Variants in LONP2 observed in about 807,000 individuals in gnomAD.
The protein encoded by LONP2 is lon peptidase 2, peroxisomal, also known as lon protease homolog 2, peroxisomal.
A neutral mutation model predicts 85.6 loss-of-function variants in LONP2; 60 were observed. That is an observed-to-expected ratio of 0.70 (90% CI 0.57 to 0.87). The LOEUF (loss-of-function observed/expected upper bound fraction) is 0.87, where lower values mean the gene tolerates loss of function less well. Among genes scored for constraint, LONP2 ranks in the 40% least tolerant of loss-of-function variants. The pLI, the probability that LONP2 is intolerant of heterozygous loss-of-function variation, is 0.00. For missense variants in LONP2, 860 were observed against 1,063.5 expected, an observed-to-expected ratio of 0.81 and a Z score of 2.66; for synonymous variants, 395 against 389.7, an observed-to-expected ratio of 1.01 and a Z score of -0.16.
At chr16:48,305,071 GCTTCACCC>G (rs1445020917) in intron 11 of LONP2, among the ~76,000 whole-genome samples, 2 of 152,120 alleles carry the variant, frequency 1.3e-5, no homozygotes, top group African/African-American at 2.4e-5. Flanking sequence ...CCAGTACAGT[GCTTCACCC>G]CTGCCTCCCC....
Position 48,299,662 on chromosome 16 carries a change from G to A in LONP2, c.1535G>A (p.Gly512Asp), listed in dbSNP as rs1425464748. 4 of 1,610,972 alleles carry A rather than the reference G, an allele frequency of 2.5e-6. No homozygotes were observed. The highest frequency in any genetic ancestry group is 3.4e-6 in the Non-Finnish European group (4 of 1,179,054). Residue 512 changes from glycine to aspartate, a missense_variant and splice_region_variant, in exon 10 of 15, where the codon GGT (glycine) becomes GAT (aspartate). Gly to Asp is a moderately conservative substitution (Grantham distance 94, BLOSUM62 -1). Around this residue, in one of 3 missense-constraint regions of LONP2, gnomAD observed 743 missense variants for 917.3 expected, o/e 0.81. Transcript: ENST00000285737. ...LDRMEIIQVPGYTQEEKIEIA... is the reference protein window; with the variant it reads ...LDRMEIIQVPDYTQEEKIEIA... ...CAAAACAAGATCTCTTCTTTTCCAG[G>A]TTATACACAGGAGGAGAAGATAGAG...
chr16:48,330,291 C>T (rs1017167144), intron 11 of LONP2, among the ~76,000 whole-genome samples: 14 of 152,210 alleles, frequency 9.2e-5, no homozygotes, highest in African/African-American at 3.4e-4. Flanking sequence ...CTGCACAATT[C>T]CAGTGGGAAG....
intron 8 of LONP2, among the ~76,000 whole-genome samples, chr16:48,290,523 TG>T (rs570868526): frequency 1.4e-4 from 22 of 152,150 alleles, no homozygotes; most frequent in Non-Finnish European, 2.6e-4. Flanking sequence ...AGTTATAAAT[TG>T]GAGTACCCAC....
In LONP2 at chr16:48,244,317, A is replaced by C; in HGVS notation, c.-72A>C. On this transcript the variant is annotated 5_prime_UTR_variant, in exon 1 of 15. Transcript: ENST00000285737. Reference sequence around the variant, plus strand: ...GTGGAGGCGGGTCTGAGGTTTGGTGACTGCGGGGCAGGCCGGGGGCAGCTG... The same window carrying C: ...GTGGAGGCGGGTCTGAGGTTTGGTGCCTGCGGGGCAGGCCGGGGGCAGCTG... 1 of 1,169,316 alleles carries C rather than the reference A, an allele frequency of 8.6e-7. No individual in the cohort carries two copies. The highest frequency in any genetic ancestry group is 3.1e-5 in the East Asian group (1 of 32,552). 72.4% of individuals were successfully genotyped at this position (1,169,316 alleles called of 1,614,324 possible).
chr16:48,293,631 G>T (rs1002513070), intron 8 of LONP2, among the ~76,000 whole-genome samples: 1 of 152,106 alleles, frequency 6.6e-6, no homozygotes, highest in African/African-American at 2.4e-5. Context: ...GGTTACGGGG[G>T]ATTCTCACTA....
At chr16:48,312,814 G>A (rs557885160) in intron 11 of LONP2, among the ~76,000 whole-genome samples, 3 of 152,352 alleles carry the variant, frequency 2.0e-5, no homozygotes, top group Admixed American at 6.5e-5. Flanking sequence ...AATAGTGGCA[G>A]TAGGGTGATT....
Position 48,362,458 on chromosome 16 carries a change from GA to G in LONP2, c.*600del, listed in dbSNP as rs746969793. 1.9e-6 allele frequency: 3 copies of G among 1,606,706 alleles called. No homozygotes were observed. Among genetic ancestry groups the G allele is most frequent in the South Asian group, 2.2e-5 (2 of 90,290 alleles). On this transcript the variant is annotated 3_prime_UTR_variant, in exon 5 of 5. Transcript: ENST00000565867. The surrounding 1 kb of genome is among the most constrained non-coding windows in gnomAD (Gnocchi z 4.2). Reference sequence around the variant, plus strand: ...GAAATAAATACATAAGGAGGCAGGAGAAAAATAATTATAACCATGACTTACT... The same window carrying G: ...GAAATAAATACATAAGGAGGCAGGAGAAAATAATTATAACCATGACTTACT...
At position 48,347,007 on chromosome 16, in the gene LONP2, G is replaced by A. The variant is rs112382257; in HGVS notation, c.1939-500G>A. Among the ~76,000 whole-genome samples the A allele has an allele frequency of 7.5e-3, 1,145 of 152,122 alleles. 16 individuals carry two copies. Among genetic ancestry groups the A allele is most frequent in the African/African-American group, 0.026 (1,075 of 41,504 alleles). On this transcript the variant is annotated intron_variant, in intron 12 of 14. Transcript: ENST00000285737. The stretch of plus-strand genomic sequence containing the variant: ...CTCTACAAAAAATACAAAAATTAGC[G>A]GGTGTGGTGGCCTGTGTGCGCCCAT...
rs1296869363 is a variant in LONP2, at chr16:48,351,621, C to T, written c.2378C>T (p.Ala793Val). ...GACAAAGTGCTGGCGGCACACAGAG[C>T]GGGACTGAAGCAAGTCATTATTCCT... ...IKDKVLAAHR[A>V]GLKQVIIPRR... Residue 793 changes from alanine (A) to valine (V), a missense_variant, in exon 15 of 15, where the codon GCG (alanine) becomes GTG (valine). Physicochemically the swap from Ala to Val is moderately conservative, Grantham distance 64 (BLOSUM62 0). Around this residue, in one of 3 missense-constraint regions of LONP2, gnomAD observed 115 missense variants for 129.0 expected, o/e 0.89. Coordinates refer to ENST00000285737, the MANE Select transcript of LONP2 (RefSeq NM_031490.5). 1.6e-5 allele frequency: 26 copies of T among 1,613,846 alleles called. No homozygotes were observed. Among genetic ancestry groups the T allele is most frequent in the Admixed American group, 3.3e-5 (2 of 59,996 alleles).
chr16:48,336,683 G>A (rs1325748102), intron 12 of LONP2, among the ~76,000 whole-genome samples: 1 of 152,152 alleles, frequency 6.6e-6, no homozygotes, highest in Non-Finnish European at 1.5e-5. Flanking sequence ...TAGGTTAATC[G>A]CTCAGTTAAG....
chr16:48,352,940 G>GCTC lies in LONP2; in HGVS notation c.*1141_*1143dup, dbSNP rs1960196423. 1 of 152,210 alleles carries GCTC rather than the reference G, an allele frequency of 6.6e-6. No individual in the cohort carries two copies. The highest frequency in any genetic ancestry group is 2.1e-4 in the South Asian group (1 of 4,836). 9.4% of individuals were successfully genotyped at this position (152,210 alleles called of 1,614,324 possible). ...ATCTGGTAGATGTCCATGCCCATGT[G>GCTC]CTCCTGCTGGGACTCAATTCAGGCT... On this transcript the variant is annotated 3_prime_UTR_variant, in exon 15 of 15. Coordinates refer to ENST00000285737, the MANE Select transcript of LONP2 (RefSeq NM_031490.5).
intron 8 of LONP2, among the ~76,000 whole-genome samples, chr16:48,289,307 AAG>A (rs1972512646): frequency 6.6e-6 from 1 of 152,090 alleles, no homozygotes; most frequent in Non-Finnish European, 1.5e-5. Context: ...CATTTTAGGG[AAG>A]CATGAGACGT....
At position 48,322,945 on chromosome 16, in the gene LONP2, A is replaced by T. The variant is rs1469587618; in HGVS notation, c.1796-11271A>T. On this transcript the variant is annotated intron_variant, in intron 11 of 14. Transcript: ENST00000285737. Reference sequence around the variant, plus strand: ...GCTACAACATCACTAGGCAATAGGAATCTTTCAGGTCCGTTGTTGTCTTCT... The same window carrying T: ...GCTACAACATCACTAGGCAATAGGATTCTTTCAGGTCCGTTGTTGTCTTCT... Among the ~76,000 whole-genome samples the T allele has an allele frequency of 6.6e-5, 10 of 152,196 alleles. No homozygotes were observed. In the South Asian group the frequency reaches 1.7e-3, roughly 25 times the overall value.
At chr16:48,269,198 C>CT (rs1304092879) in intron 6 of LONP2, among the ~76,000 whole-genome samples, 4 of 147,044 alleles carry the variant, frequency 2.7e-5, no homozygotes, top group African/African-American at 1.0e-4. Context: ...TTTACATCAT[C>CT]TGTTTTTTTT....
intron 2 of LONP2, 66 bp downstream of exon 2, chr16:48,252,431 G>A (rs573349382): frequency 1.9e-6 from 2 of 1,035,584 alleles, no homozygotes; most frequent in South Asian, 1.8e-5. Context: ...CTAAGATATG[G>A]TGAATCTGTT....
In LONP2 at chr16:48,347,373, CATGTT is replaced by C. The variant is rs1959997664; in HGVS notation, c.1939-132_1939-128del. The C allele has an allele frequency of 1.3e-5, 10 of 762,590 alleles. No individual in the cohort carries two copies. The East Asian group carries it at 2.5e-4, about 19-fold the overall frequency. 47.2% of individuals were successfully genotyped at this position (762,590 alleles called of 1,614,324 possible). A position where few individuals can be genotyped will look rare whatever the true frequency, so the allele number is the denominator to read the frequency against. Reference sequence around the variant, plus strand: ...GTAAGTGCTGAATGTGACGCAGAATCATGTTAGGTAACAAGGACTTTGAGGTAAGT... The same window carrying C: ...GTAAGTGCTGAATGTGACGCAGAATCAGGTAACAAGGACTTTGAGGTAAGT... On this transcript the variant is annotated intron_variant, in intron 12 of 14. Coordinates refer to ENST00000285737, the MANE Select transcript of LONP2 (RefSeq NM_031490.5).
At chr16:48,256,224 C>A (rs1186242586) in intron 2 of LONP2, among the ~76,000 whole-genome samples, 1 of 152,112 alleles carries the variant, frequency 6.6e-6, no homozygotes, top group Non-Finnish European at 1.5e-5. Context: ...GCAAACATGG[C>A]AAAATGCCAC....
chr16:48,256,031 CAT>C (rs1483635722), intron 2 of LONP2, among the ~76,000 whole-genome samples: 1 of 152,172 alleles, frequency 6.6e-6, no homozygotes, highest in African/African-American at 2.4e-5. Context: ...TAATAATACA[CAT>C]ATTTCTAATA....
chr16:48,305,399 C>T (rs985886382), intron 11 of LONP2, among the ~76,000 whole-genome samples: 8 of 152,098 alleles, frequency 5.3e-5, no homozygotes, highest in African/African-American at 1.9e-4. Flanking sequence ...GTACTGTAGA[C>T]GGATGCCACC....
Sources: gnomAD v4.1 joint callset for allele counts (sites outside exome capture counted in the v4.1 genomes callset) on GRCh38, gnomAD v4.1.1 for gene constraint, gnomAD v4.1.1 regional missense constraint, Gnocchi (gnomAD v3.1) non-coding constraint, MANE v1.5 for transcripts, NCBI Gene and HGNC (gene_info 2026-07-23, HGNC 2026-07-21) for gene names.